The following CTNNA3 variants were observed in gnomAD, a reference collection of about 807,000 sequenced individuals.
The protein encoded by CTNNA3 is catenin alpha-3.
In CTNNA3, 76 loss-of-function variants were observed where a neutral mutation model predicts 95.7. The observed-to-expected ratio is 0.79, with a 90% CI of 0.66 to 0.96. The LOEUF (loss-of-function observed/expected upper bound fraction) is 0.96. Among genes scored for constraint, CTNNA3 ranks in the 40% least tolerant of loss-of-function variants. The pLI, the probability that CTNNA3 is intolerant of heterozygous loss-of-function variation, is 0.00. For synonymous variants in CTNNA3, 431 were observed against 374.4 expected, an observed-to-expected ratio of 1.15 and a Z score of -1.74; for missense variants, 1,191 against 1,089.8, an observed-to-expected ratio of 1.09 and a Z score of -1.31.
intron 1 of CTNNA3, among the ~76,000 whole-genome samples, chr10:67,662,601 A>C (rs1456809056): frequency 6.6e-6 from 1 of 152,242 alleles, no homozygotes; most frequent in Non-Finnish European, 1.5e-5. Context: ...AATCAGACAT[A>C]AATAAGTACA....
intron 9 of CTNNA3, among the ~76,000 whole-genome samples, chr10:66,735,433 G>A (rs1253825167): frequency 6.6e-6 from 1 of 151,962 alleles, no homozygotes; most frequent in South Asian, 2.1e-4. Context: ...AATTTAGGTA[G>A]TGTATATTTT....
intron 10 of CTNNA3, among the ~76,000 whole-genome samples, chr10:66,580,354 T>G (rs533266034): frequency 5.4e-4 from 82 of 151,928 alleles, no homozygotes; most frequent in African/African-American, 1.9e-3. Flanking sequence ...GAGCATACAA[T>G]GTATAATAAA....
intron 11 of CTNNA3, among the ~76,000 whole-genome samples, chr10:66,481,916 T>A (rs946756709): frequency 6.6e-6 from 1 of 151,968 alleles, no homozygotes; most frequent in African/African-American, 2.4e-5. Flanking sequence ...TGTATACCCA[T>A]GTTAGAAAGA....
chr10:67,219,427 T>C (rs1170053821), intron 6 of CTNNA3, among the ~76,000 whole-genome samples, 180 bp downstream of exon 6: 1 of 152,228 alleles, frequency 6.6e-6, no homozygotes, highest in Non-Finnish European at 1.5e-5. Context: ...GTCAGAAGTT[T>C]ACTAACAGAG....
chr10:66,485,251 G>A (rs1314992280), intron 11 of CTNNA3, among the ~76,000 whole-genome samples: 1 of 152,040 alleles, frequency 6.6e-6, no homozygotes, highest in Non-Finnish European at 1.5e-5. Context: ...GCAAGAAATT[G>A]TTTTTAAACA....
intron 1 of CTNNA3, among the ~76,000 whole-genome samples, chr10:67,723,447 C>T (rs1278206637): frequency 2.0e-5 from 3 of 152,074 alleles, no homozygotes; most frequent in Admixed American, 6.6e-5. Context: ...CAAGCCACCA[C>T]ATCTAGCTAG....
chr10:65,999,057 G>A (rs915227250), intron 15 of CTNNA3, among the ~76,000 whole-genome samples: 13 of 152,042 alleles, frequency 8.6e-5, no homozygotes, highest in Admixed American at 8.5e-4. Context: ...CATTTTCTCT[G>A]AATCTGCTGA....
At chr10:67,214,048 A>G (rs1375090500) in intron 6 of CTNNA3, among the ~76,000 whole-genome samples, 4 of 151,840 alleles carry the variant, frequency 2.6e-5, no homozygotes, top group African/African-American at 9.7e-5. Context: ...TAAACAGCAT[A>G]TAGCTAGATT....
intron 9 of CTNNA3, among the ~76,000 whole-genome samples, chr10:66,740,648 G>A (rs1439338110): frequency 6.6e-6 from 1 of 152,064 alleles, no homozygotes; most frequent in African/African-American, 2.4e-5. Flanking sequence ...TTTTTCAAAT[G>A]TATTATTATT....
At chr10:66,295,506 G>A (rs1393338308) in intron 12 of CTNNA3, among the ~76,000 whole-genome samples, 2 of 152,160 alleles carry the variant, frequency 1.3e-5, no homozygotes, top group African/African-American at 4.8e-5. Context: ...CATGGTAGGT[G>A]ATTGCACATG....
intron 7 of CTNNA3, among the ~76,000 whole-genome samples, chr10:66,820,216 C>T (rs1018294387): frequency 1.6e-4 from 24 of 152,076 alleles, no homozygotes; most frequent in South Asian, 2.1e-4. Context: ...GAAAACATTA[C>T]GCTAAATGAA....
intron 11 of CTNNA3, among the ~76,000 whole-genome samples, chr10:66,517,543 C>T (rs1840907010): frequency 1.3e-5 from 2 of 152,086 alleles, no homozygotes; most frequent in African/African-American, 4.8e-5. Flanking sequence ...AATGCCATGG[C>T]AACATCAGGA....
intron 13 of CTNNA3, among the ~76,000 whole-genome samples, chr10:66,191,965 T>C (rs1288288846): frequency 6.6e-6 from 1 of 152,112 alleles, no homozygotes; most frequent in Non-Finnish European, 1.5e-5. Flanking sequence ...CCTAAGTGAG[T>C]TTCAGTCCCC....
At chr10:66,700,040 T>C (rs1847894247) in intron 9 of CTNNA3, among the ~76,000 whole-genome samples, 1 of 152,144 alleles carries the variant, frequency 6.6e-6, no homozygotes, top group African/African-American at 2.4e-5. Context: ...TTATTTATTT[T>C]AGAGATTATT....
chr10:66,077,970 T>C (rs2080607185), intron 14 of CTNNA3, among the ~76,000 whole-genome samples: 1 of 151,700 alleles, frequency 6.6e-6, no homozygotes, highest in Admixed American at 6.6e-5. Flanking sequence ...ACTAAAGAGT[T>C]TCTATTCCCA....
At chr10:67,690,260 G>T (rs369457876) in intron 1 of CTNNA3, among the ~76,000 whole-genome samples, 11 of 152,182 alleles carry the variant, frequency 7.2e-5, no homozygotes, top group African/African-American at 2.7e-4. Flanking sequence ...CTTCAGGAAT[G>T]AAGCCACAGA....
chr10:66,272,191 G>C (rs919680135), intron 13 of CTNNA3, among the ~76,000 whole-genome samples: 21 of 152,248 alleles, frequency 1.4e-4, no homozygotes, highest in African/African-American at 4.8e-4. Context: ...CCTGGTAGGT[G>C]GTTTCTTTAC....
chr10:66,372,189 C>T (rs973264896), intron 12 of CTNNA3, among the ~76,000 whole-genome samples: 3 of 152,028 alleles, frequency 2.0e-5, no homozygotes, highest in African/African-American at 7.2e-5. Context: ...TCTTTGCAAC[C>T]CAGAACCAAA....
intron 10 of CTNNA3, among the ~76,000 whole-genome samples, chr10:66,537,335 C>T (rs1330276871): frequency 6.6e-6 from 1 of 152,082 alleles, no homozygotes; most frequent in Non-Finnish European, 1.5e-5. Context: ...AGTTCACTCA[C>T]ATTCAAGGTT....
Sources: allele counts gnomAD v4.1 joint callset (sites outside exome capture counted in the v4.1 genomes callset), GRCh38; gene constraint gnomAD v4.1.1; transcripts MANE v1.5; gene names NCBI Gene and HGNC (gene_info 2026-07-23, HGNC 2026-07-21).